LOC400499: variants seen among roughly 807,000 people sequenced by gnomAD.
chr16:11,429,026 G>A, the LOC400499 span, among the ~76,000 whole-genome samples: 1 of 152,086 alleles, frequency 6.6e-6, no homozygotes, highest in Non-Finnish European at 1.5e-5. Flanking sequence ...ACAGATTACT[G>A]AATAAAATAA....
At chr16:11,411,502 G>A in the LOC400499 span, among the ~76,000 whole-genome samples, 4 of 152,232 alleles carry the variant, frequency 2.6e-5, no homozygotes, top group African/African-American at 7.2e-5. Context: ...GCCATACGGT[G>A]CCCTGGTTAG....
At chr16:11,410,669 A>G in the LOC400499 span, among the ~76,000 whole-genome samples, 1 of 151,640 alleles carries the variant, frequency 6.6e-6, no homozygotes, top group East Asian at 1.9e-4. Context: ...CTAGTTACAG[A>G]TGTAACCATT....
the LOC400499 span, among the ~76,000 whole-genome samples, chr16:11,396,231 G>A: frequency 6.6e-6 from 1 of 152,212 alleles, no homozygotes; most frequent in Non-Finnish European, 1.5e-5. Flanking sequence ...TCAAACTTGG[G>A]CAGCCCAGCC....
At chr16:11,397,431 G>A in the LOC400499 span, among the ~76,000 whole-genome samples, 4 of 152,056 alleles carry the variant, frequency 2.6e-5, no homozygotes, top group Admixed American at 6.5e-5. Context: ...GTGCCACCGT[G>A]CCCAGCTCAT....
the LOC400499 span, among the ~76,000 whole-genome samples, chr16:11,388,471 T>C: frequency 4.9e-4 from 74 of 152,232 alleles, no homozygotes; most frequent in Non-Finnish European, 2.4e-4. Flanking sequence ...GGATTCCAGA[T>C]GCTCTGTGAG....
At chr16:11,386,898 T>A in the LOC400499 span, among the ~76,000 whole-genome samples, 1 of 152,194 alleles carries the variant, frequency 6.6e-6, no homozygotes. Context: ...CCTGAAGCCC[T>A]AAACCACCCT....
chr16:11,468,323 T>G, the LOC400499 span, among the ~76,000 whole-genome samples: 21 of 152,252 alleles, frequency 1.4e-4, no homozygotes, highest in African/African-American at 5.1e-4. Flanking sequence ...CCTTTCTCTA[T>G]TCTGAATTCT....
the LOC400499 span, chr16:11,514,559 G>A: frequency 2.7e-5 from 11 of 400,132 alleles, no homozygotes; most frequent in East Asian, 1.8e-4. Flanking sequence ...AAGAGGGGAA[G>A]GGACAGCTCA....
the LOC400499 span, chr16:11,404,976 A>G: frequency 2.5e-6 from 1 of 397,630 alleles, no homozygotes; most frequent in South Asian, 1.4e-4. Context: ...TGGATCATTT[A>G]CAGTTTCCTG....
chr16:11,424,120 C>T, the LOC400499 span: 6 of 399,288 alleles, frequency 1.5e-5, no homozygotes, highest in South Asian at 5.1e-4. Context: ...TGGAAGTGCC[C>T]GTGGCCATCT....
the LOC400499 span, among the ~76,000 whole-genome samples, chr16:11,379,080 A>G: frequency 6.6e-6 from 1 of 152,216 alleles, no homozygotes; most frequent in Admixed American, 6.5e-5. Flanking sequence ...CCTGGACAAC[A>G]TGGTGAAACC....
chr16:11,484,810 C>CAA, the LOC400499 span: 2 of 398,456 alleles, frequency 5.0e-6, no homozygotes, highest in African/African-American at 4.1e-5. Flanking sequence ...GTCTCAGGTT[C>CAA]AAAAGTCCAC....
At chr16:11,492,247 C>T in the LOC400499 span, among the ~76,000 whole-genome samples, 1 of 145,996 alleles carries the variant, frequency 6.8e-6, no homozygotes, top group African/African-American at 2.6e-5. Context: ...GCTTCCTCCA[C>T]AGCCAGCCAG....
chr16:11,508,460 A>G, the LOC400499 span, among the ~76,000 whole-genome samples: 1,169 of 149,592 alleles, frequency 7.8e-3, 16 homozygotes, highest in African/African-American at 0.027. Context: ...GTGCTCGTAG[A>G]CAGACAGAGG....
At chr16:11,414,255 C>A in the LOC400499 span, 15 of 398,872 alleles carry the variant, frequency 3.8e-5, no homozygotes, top group African/African-American at 2.5e-4. Flanking sequence ...TCCCCACCCA[C>A]CCTGCACACA....
the LOC400499 span, among the ~76,000 whole-genome samples, chr16:11,441,657 T>C: frequency 6.6e-6 from 1 of 152,132 alleles, no homozygotes; most frequent in Non-Finnish European, 1.5e-5. Flanking sequence ...CCTAAAGTAA[T>C]CACAGGGGTC....
chr16:11,414,434 C>G, the LOC400499 span: 1 of 399,958 alleles, frequency 2.5e-6, no homozygotes, highest in Admixed American at 4.4e-5. Flanking sequence ...CGTGGCCGAG[C>G]CACCAGGGCT....
At chr16:11,497,131 T>G in the LOC400499 span, among the ~76,000 whole-genome samples, 3 of 152,140 alleles carry the variant, frequency 2.0e-5, no homozygotes, top group African/African-American at 7.2e-5. Flanking sequence ...TACGTGCAGG[T>G]CTGTGCATGT....
the LOC400499 span, among the ~76,000 whole-genome samples, chr16:11,516,965 A>G: frequency 1.3e-5 from 2 of 152,196 alleles, no homozygotes; most frequent in Admixed American, 1.3e-4. Context: ...ATTTTGAACC[A>G]AAGACTGTAT....
Sources: allele counts gnomAD v4.1 joint callset (sites outside exome capture counted in the v4.1 genomes callset), GRCh38; gene constraint gnomAD v4.1.1; transcripts MANE v1.5.